The following TCF3 variants were observed in gnomAD, a reference collection of about 807,000 sequenced individuals.
TCF3 encodes the protein transcription factor E2-alpha.
TCF3 carries 54 observed loss-of-function variants against 72.3 expected under a neutral mutation model. The observed-to-expected ratio is 0.75, with a 90% CI of 0.60 to 0.94. TCF3 has a LOEUF of 0.94. Ranked by LOEUF, TCF3 falls within the 40% of genes least tolerant of loss-of-function variation. The pLI is 0.00. For synonymous variants in TCF3, 525 were observed against 412.6 expected (o/e 1.27, Z -3.30); for missense variants, 1,078 against 934.4 (o/e 1.15, Z -2.00).
rs2060952041 is a variant in TCF3 at position 1,611,079 on chromosome 19, TTACAAAACATA to T, written c.*617_*627del. 1 of 231,240 alleles carries T rather than the reference TTACAAAACATA, an allele frequency of 4.3e-6. No homozygotes were observed. The highest frequency in any genetic ancestry group is 1.8e-4 in the South Asian group (1 of 5,502). The allele number at this position is 231,240 out of a possible 1,614,324, so 14.3% of individuals were successfully genotyped here. ...ACTTTTATACAAAAAAATTTGTTGCTTACAAAACATATGCAAAAAAAGCTTAAAAAAACCAG... is the reference window on the plus strand; with the variant it reads ...ACTTTTATACAAAAAAATTTGTTGCTTGCAAAAAAAGCTTAAAAAAACCAG... On this transcript the variant is annotated 3_prime_UTR_variant, in exon 19 of 19. Coordinates refer to ENST00000262965, the MANE Select transcript of TCF3 (RefSeq NM_003200.5).
intron 3 of TCF3, among the ~76,000 whole-genome samples, chr19:1,635,225 G>A (rs1339022425): frequency 6.6e-6 from 1 of 152,172 alleles, no homozygotes; most frequent in East Asian, 1.9e-4. Flanking sequence ...CAGGTGCTCA[G>A]GCTAAAGTCC....
chr19:1,612,169 G>GGA, intron 18 of TCF3: 2 of 1,535,830 alleles, frequency 1.3e-6, no homozygotes, highest in Non-Finnish European at 1.8e-6. Flanking sequence ...TGTGGGGAAG[G>GGA]GAGAGGGTGC....
intron 8 of TCF3, among the ~76,000 whole-genome samples, 178 bp from the exon 9 acceptor site, chr19:1,622,593 G>A (rs1314653671): frequency 6.6e-6 from 1 of 151,964 alleles, no homozygotes; most frequent in Non-Finnish European, 1.5e-5. Context: ...AGGTTCTTAT[G>A]ATGTCCTGGT....
intron 2 of TCF3, among the ~76,000 whole-genome samples, chr19:1,646,869 G>C (rs1011320845): frequency 6.6e-6 from 1 of 152,214 alleles, no homozygotes; most frequent in African/African-American, 2.4e-5. Context: ...GAGAGTCCCC[G>C]GATGCCTGAG....
chr19:1,628,947 C>T (rs1182769817), intron 5 of TCF3, among the ~76,000 whole-genome samples: 1 of 36,950 alleles, frequency 2.7e-5, no homozygotes, highest in African/African-American at 1.6e-4. Context: ...CGGGGTGAGG[C>T]GGGAAGGGGA....
intron 4 of TCF3, 50 bp from the exon 5 acceptor site, chr19:1,632,166 C>A (rs2063792323): frequency 1.3e-6 from 2 of 1,587,916 alleles, no homozygotes; most frequent in African/African-American, 1.3e-5. Context: ...CACAGGCCCC[C>A]CCTCCACCCC....
At chr19:1,636,146 A>G (rs2064371041) in intron 3 of TCF3, among the ~76,000 whole-genome samples, 1 of 151,948 alleles carries the variant, frequency 6.6e-6, no homozygotes, top group African/African-American at 2.4e-5. Context: ...CCTTGGGTGG[A>G]GCAGTATTTT....
chr19:1,642,893 G>C (rs897683653), intron 3 of TCF3, among the ~76,000 whole-genome samples: 1 of 152,224 alleles, frequency 6.6e-6, no homozygotes, highest in Non-Finnish European at 1.5e-5. Flanking sequence ...AAAGCAGAAC[G>C]CGGAGGTGCC....
intron 3 of TCF3, 86 bp downstream of exon 3, chr19:1,646,269 C>A (rs980515171): frequency 1.4e-6 from 2 of 1,394,126 alleles, no homozygotes; most frequent in African/African-American, 2.9e-5. Context: ...TCCTTTGCTG[C>A]CCCAGCCTCC....
chr19:1,641,597 C>G (rs1233562290), intron 3 of TCF3, among the ~76,000 whole-genome samples: 5 of 152,100 alleles, frequency 3.3e-5, no homozygotes, highest in African/African-American at 1.2e-4. Context: ...GGATGACAGG[C>G]ACGCACCACC....
At chr19:1,649,485 C>G (rs1452571685) in intron 2 of TCF3, among the ~76,000 whole-genome samples, 2 of 152,192 alleles carry the variant, frequency 1.3e-5, no homozygotes, top group Non-Finnish European at 2.9e-5. Context: ...TCACAGCTCA[C>G]TGCAGCCTCA....
Position 1,611,860 on chromosome 19 carries a change from G to A in TCF3, c.1823-11C>T, listed in dbSNP as rs753354737. On this transcript the variant is annotated splice_polypyrimidine_tract_variant and intron_variant, in intron 18 of 18. Coordinates refer to ENST00000262965, the MANE Select transcript of TCF3 (RefSeq NM_003200.5). ...GATTCAGGTTCCGCTCTGGAGGGAGGGGGGAGAGCTCTGTGGGAGACGGTC... is the reference window on the plus strand; with the variant it reads ...GATTCAGGTTCCGCTCTGGAGGGAGAGGGGAGAGCTCTGTGGGAGACGGTC... The A allele has an allele frequency of 1.4e-5, 22 of 1,605,664 alleles. No homozygotes were observed. The highest frequency in any genetic ancestry group is 1.7e-4 in the Middle Eastern group (1 of 6,052).
rs991541097 is a variant in TCF3, at chr19:1,610,936, G to C, written c.*771C>G. The C allele has an allele frequency of 1.1e-5, 2 of 184,222 alleles. No homozygotes were observed. Among genetic ancestry groups the C allele is most frequent in the Admixed American group, 6.3e-5 (1 of 15,848 alleles). 11.4% of individuals were successfully genotyped at this position (184,222 alleles called of 1,614,324 possible). On this transcript the variant is annotated 3_prime_UTR_variant, in exon 19 of 19. Coordinates refer to ENST00000262965, the MANE Select transcript of TCF3 (RefSeq NM_003200.5). ...GTGCAGTGGCTTCCGGGGGGGGGGG[G>C]GGACGGGGGGGCTCAGGTTTACACG...
intron 2 of TCF3, among the ~76,000 whole-genome samples, chr19:1,649,275 C>A (rs1169652160): frequency 6.6e-6 from 1 of 152,250 alleles, no homozygotes. Flanking sequence ...GGCAGCTTAA[C>A]TTCAGCACCC....
intron 3 of TCF3, among the ~76,000 whole-genome samples, chr19:1,638,809 G>C (rs2064831242): frequency 6.6e-6 from 1 of 152,208 alleles, no homozygotes; most frequent in Non-Finnish European, 1.5e-5. Context: ...CACACACCGG[G>C]GGAAGCAATC....
At chr19:1,647,663 A>G (rs1201805134) in intron 2 of TCF3, among the ~76,000 whole-genome samples, 2 of 152,178 alleles carry the variant, frequency 1.3e-5, no homozygotes, top group African/African-American at 4.8e-5. Context: ...TCCAAGGGCC[A>G]ACCTCTCATT....
chr19:1,619,768 G>A lies in TCF3; in HGVS notation c.1167+12C>T. ...TCGGGGAAGGGTGGGGTGGGGCGGGGCAGGCACTCACCAGGCCGTGGAGAC... is the reference window on the plus strand; with the variant it reads ...TCGGGGAAGGGTGGGGTGGGGCGGGACAGGCACTCACCAGGCCGTGGAGAC... On this transcript the variant is annotated intron_variant, in intron 14 of 18. Transcript: ENST00000262965. The A allele has an allele frequency of 2.6e-6, 4 of 1,534,946 alleles. No homozygotes were observed. The highest frequency in any genetic ancestry group is 1.4e-5 in the African/African-American group (1 of 72,832).
chr19:1,636,465 T>TA (rs1370515382), intron 3 of TCF3, among the ~76,000 whole-genome samples: 1 of 152,226 alleles, frequency 6.6e-6, no homozygotes, highest in East Asian at 1.9e-4. Flanking sequence ...CTGGTGAATT[T>TA]AAAAAAATTT....
chr19:1,626,899 A>T (rs1288283246), intron 6 of TCF3, among the ~76,000 whole-genome samples: 1 of 151,592 alleles, frequency 6.6e-6, no homozygotes, highest in Non-Finnish European at 1.5e-5. Context: ...TCCTGGGGTG[A>T]GGGAGGAACC....
Sources: gnomAD v4.1 joint callset for allele counts (sites outside exome capture counted in the v4.1 genomes callset) on GRCh38, gnomAD v4.1.1 for gene constraint, MANE v1.5 for transcripts, NCBI Gene and HGNC (gene_info 2026-07-23, HGNC 2026-07-21) for gene names.